Variants in ACSF3 observed in about 807,000 individuals in gnomAD.
ACSF3 encodes malonate--CoA ligase ACSF3, mitochondrial.
Under a neutral mutation model 53.2 loss-of-function variants are expected in ACSF3, and 78 were observed. The observed-to-expected ratio is 1.47, with a 90% CI of 1.22 to 1.77. The LOEUF is 1.77. ACSF3 is among the 40% of genes most tolerant of loss of function. The pLI is 0.00. For synonymous variants in ACSF3, 414 were observed against 333.1 expected (o/e 1.24, Z -2.65); for missense variants, 937 against 771.1 (o/e 1.22, Z -2.55).
chr16:89,127,476 G>A lies in ACSF3; in HGVS notation c.1240-5660G>A, dbSNP rs527834431. 1.4e-3 allele frequency among the ~76,000 whole-genome samples: 209 copies of A among 152,004 alleles called. 2 individuals are homozygous for A. Among genetic ancestry groups the A allele is most frequent in the African/African-American group, 4.4e-3 (182 of 41,458 alleles). On this transcript the variant is annotated intron_variant, in intron 7 of 10. Coordinates refer to ENST00000614302, the MANE Select transcript of ACSF3 (RefSeq NM_001243279.3). ...AACTCCTGGGCTCAAGTGATCCTGC[G>A]TCAGCCTCCCAAGTAGCTGGGACCA...
At chr16:89,096,452 C>T (rs778801878) in intron 1 of ACSF3, among the ~76,000 whole-genome samples, 1 of 152,124 alleles carries the variant, frequency 6.6e-6, no homozygotes, top group Non-Finnish European at 1.5e-5. Context: ...TCTGCGTGTT[C>T]GAGGCAGGGC....
chr16:89,113,183 G>A lies in ACSF3; in HGVS notation c.977+937G>A, dbSNP rs904117458. On this transcript the variant is annotated intron_variant, in intron 5 of 10. Coordinates refer to ENST00000614302, the MANE Select transcript of ACSF3 (RefSeq NM_001243279.3). ...GGGTATTTTTTCTTTTTGTGAGAGG[G>A]AGGGGTGGCGTGGAGGGTGCACTGC... 5 of 152,240 alleles carry A rather than the reference G, an allele frequency of 3.3e-5. No individual in the cohort carries two copies. The East Asian group carries it at 7.7e-4, about 23-fold the overall frequency. 9.4% of individuals were successfully genotyped at this position (152,240 alleles called of 1,614,324 possible). A position where few individuals can be genotyped will look rare whatever the true frequency, so the allele number is the denominator to read the frequency against.
intron 7 of ACSF3, among the ~76,000 whole-genome samples, chr16:89,121,861 G>A (rs1324094394): frequency 6.6e-6 from 1 of 152,234 alleles, no homozygotes; most frequent in East Asian, 1.9e-4. Flanking sequence ...GATGGTCGTG[G>A]TTGGACGTTT....
At chr16:89,109,302 C>T (rs897878889) in intron 4 of ACSF3, among the ~76,000 whole-genome samples, 2 of 149,562 alleles carry the variant, frequency 1.3e-5, no homozygotes, top group Non-Finnish European at 3.0e-5. Flanking sequence ...TGTTGCTGTA[C>T]GTTCTCATCA....
intron 3 of ACSF3, chr16:89,102,279 C>G (rs1975436407): frequency 2.4e-6 from 1 of 412,938 alleles, no homozygotes. Flanking sequence ...GCGCTGGGTC[C>G]CTGAGTCCCA....
At position 89,146,049 on chromosome 16, in the gene ACSF3, G is replaced by A; in HGVS notation, c.1613G>A (p.Arg538Lys). ...LSHRELKEWA[R>K]NVLAPYAVPS... Reference sequence around the variant, plus strand: ...CACAGGGAGCTCAAAGAGTGGGCCAGGTAGGGCTGGGTGGGGCGGGCAGGG... The same window carrying A: ...CACAGGGAGCTCAAAGAGTGGGCCAAGTAGGGCTGGGTGGGGCGGGCAGGG... Residue 538 changes from arginine (R) to lysine (K), a missense_variant and splice_region_variant, in exon 10 of 11, where the codon AGA (arginine) becomes AAA (lysine). Transcript: ENST00000614302. 2 of 1,565,856 alleles carry A rather than the reference G, an allele frequency of 1.3e-6. No individual in the cohort carries two copies. Among genetic ancestry groups the A allele is most frequent in the East Asian group, 2.3e-5 (1 of 44,400 alleles).
In ACSF3 at chr16:89,114,432, G is replaced by T. The variant is rs562979085; in HGVS notation, c.1071G>T (p.Met357Ile). The change falls in exon 6 of 11, where the codon ATG becomes ATT. Residue 357 changes from methionine to isoleucine, a missense_variant. Coordinates refer to ENST00000614302, the MANE Select transcript of ACSF3 (RefSeq NM_001243279.3). ...ACACCCTGCTGGAGCGGTATGGCAT[G>T]ACCGAGATCGGCATGGCTCTGTCCG... ...TGHTLLERYG[M>I]TEIGMALSGP... is the part of the protein sequence containing the mutation. 1 of 1,613,666 alleles carries T rather than the reference G, an allele frequency of 6.2e-7. No homozygotes were observed. The highest frequency in any genetic ancestry group is 8.5e-7 in the Non-Finnish European group (1 of 1,180,040).
At chr16:89,135,757 G>A (rs868316383) in intron 8 of ACSF3, among the ~76,000 whole-genome samples, 4 of 152,152 alleles carry the variant, frequency 2.6e-5, no homozygotes, top group South Asian at 2.1e-4. Context: ...TCCGACTCAC[G>A]CTGCAGTTGT....
At position 89,146,064 on chromosome 16, in the gene ACSF3, G is replaced by GGC. The variant is rs756128257; in HGVS notation, c.1613+17_1613+18dup. 6.6e-7 allele frequency: 1 copy of GGC among 1,515,724 alleles called. No individual in the cohort carries two copies. Among genetic ancestry groups the GGC allele is most frequent in the South Asian group, 1.1e-5 (1 of 88,838 alleles). 93.9% of individuals were successfully genotyped at this position (1,515,724 alleles called of 1,614,324 possible). ...GAGTGGGCCAGGTAGGGCTGGGTGG[G>GGC]GCGGGCAGGGAGCACTCATGGGGTC... is the stretch of plus-strand genomic sequence containing the variant. On this transcript the variant is annotated intron_variant, in intron 10 of 10. Transcript: ENST00000614302.
Position 89,101,023 on chromosome 16 carries a change from G to A in ACSF3, c.342G>A (p.Ala114=), listed in dbSNP as rs6500527. Residue 114 remains alanine (A), a synonymous_variant, in exon 3 of 11, where the codon GCG becomes GCA. Transcript: ENST00000614302. ...CCTCCTACGTCGTGGCCCAGTGGGCGTCATGGATGAGTGGCGGTGTGGCAG... is the reference window on the plus strand; with the variant it reads ...CCTCCTACGTCGTGGCCCAGTGGGCATCATGGATGAGTGGCGGTGTGGCAG... ...NDASYVVAQW[A]SWMSGGVAVP... The A allele has an allele frequency of 1.4e-5, 22 of 1,613,570 alleles. No homozygotes were observed. Among genetic ancestry groups the A allele is most frequent in the Non-Finnish European group, 1.9e-5 (22 of 1,179,770 alleles).
rs755629521 is a variant in ACSF3 at position 89,123,561 on chromosome 16, C to T, written c.1239+2648C>T. On this transcript the variant is annotated intron_variant, in intron 7 of 10. Coordinates refer to ENST00000614302, the MANE Select transcript of ACSF3 (RefSeq NM_001243279.3). The stretch of plus-strand genomic sequence containing the variant: ...GTGCCGAGGCGTGGGTCCCGGCCAG[C>T]GTCCCTCCCCAGAAGGTCTCCCTCA... 2.4e-4 allele frequency among the ~76,000 whole-genome samples: 36 copies of T among 152,162 alleles called. 1 individual carries two copies. Among genetic ancestry groups the T allele is most frequent in the Non-Finnish European group, 3.8e-4 (26 of 68,012 alleles).
chr16:89,122,460 A>G (rs1345913135), intron 7 of ACSF3: 1 of 438,496 alleles, frequency 2.3e-6, no homozygotes, highest in East Asian at 7.1e-5. Flanking sequence ...GCCACACCCC[A>G]CATCTCAGGT....
chr16:89,112,087 C>T lies in ACSF3; in HGVS notation c.823-5C>T, dbSNP rs192714121. ...TTCCTACCGAGTGCTTCCTTTCCTT[C>T]GTAGGTTTGGGAAAAGTTCTTAAGT... On this transcript the variant is annotated splice_polypyrimidine_tract_variant and splice_region_variant and intron_variant, in intron 4 of 10. Transcript: ENST00000614302. 55 of 1,613,076 alleles carry T rather than the reference C, an allele frequency of 3.4e-5. No individual in the cohort carries two copies. The East Asian group carries it at 1.1e-3, about 32-fold the overall frequency.
chr16:89,094,611 G>A (rs1974394358), intron 1 of ACSF3, among the ~76,000 whole-genome samples: 1 of 152,220 alleles, frequency 6.6e-6, no homozygotes, highest in Non-Finnish European at 1.5e-5. Context: ...CCACCAGGCA[G>A]GCCAGGTGCA....
In ACSF3 at chr16:89,101,346, T is replaced by C. The variant is rs1324666751; in HGVS notation, c.665T>C (p.Val222Ala). ...AGCACGCACCAAAACATCAGGGCTG[T>C]GGTGAGTGCCGCCTGGCGCCGTGAT... The part of the protein sequence containing the change: ...VLSTHQNIRA[V>A]VTGLVHKWAW... Residue 222 changes from valine (V) to alanine (A), a missense_variant and splice_region_variant, in exon 3 of 11, where the codon GTG becomes GCG. Coordinates refer to ENST00000614302, the MANE Select transcript of ACSF3 (RefSeq NM_001243279.3). 1 of 1,581,204 alleles carries C rather than the reference T, an allele frequency of 6.3e-7. No individual in the cohort carries two copies. The highest frequency in any genetic ancestry group is 1.3e-5 in the African/African-American group (1 of 74,222).
intron 8 of ACSF3, among the ~76,000 whole-genome samples, chr16:89,134,288 T>G (rs994244131): frequency 6.6e-6 from 1 of 152,188 alleles, no homozygotes; most frequent in Non-Finnish European, 1.5e-5. Context: ...GTTATAGCTC[T>G]ATTAGAAGCC....
intron 4 of ACSF3, among the ~76,000 whole-genome samples, chr16:89,111,696 G>A (rs948822204): frequency 6.6e-5 from 10 of 152,204 alleles, no homozygotes; most frequent in South Asian, 4.1e-4. Flanking sequence ...GACTTCACCC[G>A]TTCGCTAGTC....
At chr16:89,095,770 G>C (rs1033161513) in intron 1 of ACSF3, among the ~76,000 whole-genome samples, 2 of 152,232 alleles carry the variant, frequency 1.3e-5, no homozygotes, top group Admixed American at 6.5e-5. Flanking sequence ...TCTTCTGCCT[G>C]GCCTGTGCCG....
Position 89,101,285 on chromosome 16 carries a change from A to G in ACSF3, c.604A>G (p.Thr202Ala), listed in dbSNP as rs1718383800. 2.5e-6 allele frequency: 4 copies of G among 1,602,392 alleles called. No individual in the cohort carries two copies. The highest frequency in any genetic ancestry group is 2.3e-5 in the East Asian group (1 of 44,352). The change falls in exon 3 of 11, where the codon ACC becomes GCC. Residue 202 changes from threonine (T) to alanine (A), a missense_variant. Thr to Ala is a moderately conservative substitution (Grantham distance 58). Coordinates refer to ENST00000614302, the MANE Select transcript of ACSF3 (RefSeq NM_001243279.3). ...GAACAAGGGCGCCATGATCATCTAC[A>G]CCAGTGGGACCACGGGGAGGCCCAA... ...WRNKGAMIIY[T>A]SGTTGRPKGV...
Sources: gnomAD v4.1 joint callset for allele counts (sites outside exome capture counted in the v4.1 genomes callset) on GRCh38, gnomAD v4.1.1 for gene constraint, MANE v1.5 for transcripts, NCBI Gene and HGNC (gene_info 2026-07-23, HGNC 2026-07-21) for gene names.